The following TRIM54 variants were observed in gnomAD, a reference collection of about 807,000 sequenced individuals.
TRIM54 encodes tripartite motif containing 54.
In TRIM54, 40 loss-of-function variants were observed where a neutral mutation model predicts 42.0. That is an observed-to-expected ratio of 0.95 (90% CI 0.74 to 1.24). The LOEUF (loss-of-function observed/expected upper bound fraction) is 1.24, where lower values mean the gene tolerates loss of function less well. Among genes scored for constraint, TRIM54 ranks in the 50% most tolerant of loss-of-function variants. The pLI is 0.00. For synonymous variants in TRIM54, 199 were observed against 194.9 expected (o/e 1.02, Z -0.17); for missense variants, 485 against 480.3 (o/e 1.01, Z -0.09).
rs540676343 is a variant in TRIM54 at position 27,298,638 on chromosome 2, G to A, written c.240G>A (p.Ser80=). ...CAGGAGGCCGTTTCCGCTGCCCATC[G>A]TGCAGGCATGAGGTTGTCCTGGACA... is the stretch of plus-strand genomic sequence containing the variant. ...VSSGGRFRCP[S]CRHEVVLDRH... Residue 80 remains serine, a synonymous_variant, in exon 2 of 9, where the codon TCG becomes TCA. Coordinates refer to ENST00000380075, the MANE Select transcript of TRIM54 (RefSeq NM_187841.3). 3.7e-5 allele frequency: 59 copies of A among 1,614,158 alleles called. No homozygotes were observed. The highest frequency in any genetic ancestry group is 1.1e-4 in the East Asian group (5 of 44,872).
chr2:27,306,050 T>TTAC lies in TRIM54; in HGVS notation c.844-28_844-26dup, dbSNP rs766353384. 1 of 1,613,378 alleles carries TTAC rather than the reference T, an allele frequency of 6.2e-7. No individual in the cohort carries two copies. The highest frequency in any genetic ancestry group is 2.2e-5 in the East Asian group (1 of 44,880). On this transcript the variant is annotated intron_variant, in intron 5 of 8. Transcript: ENST00000380075. This position sits in a 1 kb window ranked among gnomAD's most constrained non-coding sequence, Gnocchi z 6.1. ...GACTTTGCCCAGGTTGGCCCAGTGC[T>TTAC]TACTCTCACCCTCCTTTTCTTCCCT...
At position 27,282,528 on chromosome 2, in the gene TRIM54, C is replaced by T. The variant is rs1177218183; in HGVS notation, c.-204C>T. On this transcript the variant is annotated 5_prime_UTR_variant, in exon 1 of 9. Transcript: ENST00000380075. Reference sequence around the variant, plus strand: ...GATAGCTAAAACTACGTGAGCCTGGCGAGGGTGCAGAGCAGAAAGTAGAGA... The same window carrying T: ...GATAGCTAAAACTACGTGAGCCTGGTGAGGGTGCAGAGCAGAAAGTAGAGA... 5 of 440,196 alleles carry T rather than the reference C, an allele frequency of 1.1e-5. 1 individual carries two copies. The South Asian group carries it at 1.6e-4, about 14-fold the overall frequency. The allele number at this position is 440,196 out of a possible 1,614,324, so 27.3% of individuals were successfully genotyped here.
chr2:27,289,642 G>A (rs1011877958), intron 1 of TRIM54, among the ~76,000 whole-genome samples: 2 of 151,882 alleles, frequency 1.3e-5, no homozygotes, highest in African/African-American at 4.8e-5. Flanking sequence ...TATGTGTAAA[G>A]GATAGATAAG....
chr2:27,298,457 TC>T, intron 1 of TRIM54, 109 bp from the exon 2 acceptor site: 1 of 774,344 alleles, frequency 1.3e-6, no homozygotes. Flanking sequence ...GCTGACATCT[TC>T]CCCTCCATCA....
chr2:27,284,207 A>G (rs901402051), intron 1 of TRIM54, among the ~76,000 whole-genome samples: 2 of 152,244 alleles, frequency 1.3e-5, no homozygotes, highest in Non-Finnish European at 2.9e-5. Context: ...GTGACATGGA[A>G]CATCCCAAAC....
intron 3 of TRIM54, among the ~76,000 whole-genome samples, chr2:27,304,273 T>TAG (rs1397129784): frequency 5.6e-5 from 8 of 143,334 alleles, no homozygotes; most frequent in South Asian, 2.2e-4. Flanking sequence ...TATATATATA[T>TAG]ATATAGATAG....
intron 3 of TRIM54, among the ~76,000 whole-genome samples, chr2:27,304,502 T>C (rs1314825106): frequency 6.7e-6 from 1 of 148,232 alleles, no homozygotes; most frequent in Non-Finnish European, 1.5e-5. Context: ...ATGAGAGGAC[T>C]GAAAGAAAAA....
intron 1 of TRIM54, among the ~76,000 whole-genome samples, chr2:27,294,263 G>A (rs562866240): frequency 5.9e-5 from 9 of 151,938 alleles, no homozygotes; most frequent in African/African-American, 2.2e-4. Context: ...CAAATACCTG[G>A]GACTAAAGGC....
chr2:27,290,237 T>C (rs1678682637), intron 1 of TRIM54, among the ~76,000 whole-genome samples: 1 of 152,106 alleles, frequency 6.6e-6, no homozygotes, highest in South Asian at 2.1e-4. Flanking sequence ...GGGACAATAA[T>C]GAAGAAAGCT....
intron 1 of TRIM54, among the ~76,000 whole-genome samples, chr2:27,283,963 T>A (rs1416804123): frequency 1.3e-5 from 2 of 151,984 alleles, no homozygotes; most frequent in Admixed American, 6.6e-5. Flanking sequence ...TAAAACCCCA[T>A]CTCTACCAAA....
At chr2:27,290,491 C>A (rs566185001) in intron 1 of TRIM54, among the ~76,000 whole-genome samples, 38 of 152,158 alleles carry the variant, frequency 2.5e-4, no homozygotes, top group African/African-American at 8.2e-4. Context: ...CACGGTGAAA[C>A]CCCGTCTCTA....
chr2:27,286,539 A>T (rs899018365), intron 1 of TRIM54, among the ~76,000 whole-genome samples: 4 of 152,150 alleles, frequency 2.6e-5, no homozygotes, highest in African/African-American at 9.7e-5. Context: ...GTGTTTCTGT[A>T]TTTGTAAATT....
At chr2:27,305,926 C>T in intron 5 of TRIM54, 109 bp downstream of exon 5, 2 of 1,366,142 alleles carry the variant, frequency 1.5e-6, no homozygotes, top group South Asian at 2.7e-5. Flanking sequence ...GCCCCTACGA[C>T]CTTGGGCAAG....
chr2:27,294,401 A>G (rs1678808274), intron 1 of TRIM54, among the ~76,000 whole-genome samples: 1 of 152,076 alleles, frequency 6.6e-6, no homozygotes, highest in South Asian at 2.1e-4. Flanking sequence ...GATTACAGTC[A>G]TGAGCCACCG....
rs192002966 is a variant in TRIM54, at chr2:27,306,056, T to C, written c.844-24T>C. The C allele has an allele frequency of 4.3e-5, 70 of 1,613,584 alleles. No individual in the cohort carries two copies. In the African/African-American group the frequency reaches 7.5e-4, roughly 17 times the overall value. ...GCCCAGGTTGGCCCAGTGCTTACTCTCACCCTCCTTTTCTTCCCTGCAGCA... is the reference window on the plus strand; with the variant it reads ...GCCCAGGTTGGCCCAGTGCTTACTCCCACCCTCCTTTTCTTCCCTGCAGCA... On this transcript the variant is annotated intron_variant, in intron 5 of 8. Transcript: ENST00000380075. This position sits in a 1 kb window ranked among gnomAD's most constrained non-coding sequence, Gnocchi z 6.1.
rs1006402810 is a variant in TRIM54 at position 27,286,064 on chromosome 2, A to C, written c.168+3165A>C. ...GGCAACATAGTGAGACCTCATCTCT[A>C]CAAAAAAGAAAATACTGTTAGTTGA... On this transcript the variant is annotated intron_variant, in intron 1 of 8. Coordinates refer to ENST00000380075, the MANE Select transcript of TRIM54 (RefSeq NM_187841.3). Among the ~76,000 whole-genome samples, 23 of 152,178 alleles carry C rather than the reference A, an allele frequency of 1.5e-4. 1 individual carries two copies. Among genetic ancestry groups the C allele is most frequent in the Admixed American group, 1.0e-3 (16 of 15,280 alleles).
chr2:27,304,927 C>G (rs1679146103), intron 3 of TRIM54, 32 bp from the exon 4 acceptor site: 1 of 1,603,106 alleles, frequency 6.2e-7, no homozygotes, highest in East Asian at 2.2e-5. Context: ...GGCCAGGTCC[C>G]AGCTCTGAGT....
Position 27,307,379 on chromosome 2 carries a change from G to A in TRIM54, c.*494G>A. On this transcript the variant is annotated 3_prime_UTR_variant, in exon 9 of 9. Transcript: ENST00000380075. The surrounding 1 kb of genome is among the most constrained non-coding windows in gnomAD (Gnocchi z 6.9). ...GTTCCCACGCTGCTGTGACTGCCCT[G>A]CCTCTACGACAAAAGCCAACGGGTC... 7.2e-7 allele frequency: 1 copy of A among 1,385,504 alleles called. No homozygotes were observed. Among genetic ancestry groups the A allele is most frequent in the Non-Finnish European group, 9.6e-7 (1 of 1,042,250 alleles). The allele number at this position is 1,385,504 out of a possible 1,614,324, so 85.8% of individuals were successfully genotyped here.
chr2:27,292,448 T>A (rs1436659661), intron 1 of TRIM54, among the ~76,000 whole-genome samples: 1 of 152,154 alleles, frequency 6.6e-6, no homozygotes, highest in Non-Finnish European at 1.5e-5. Context: ...GTGGCACACC[T>A]GCAGTCCCAG....
Sources: allele counts gnomAD v4.1 joint callset (sites outside exome capture counted in the v4.1 genomes callset), GRCh38; gene constraint gnomAD v4.1.1; non-coding constraint Gnocchi (gnomAD v3.1); transcripts MANE v1.5; gene names NCBI Gene and HGNC (gene_info 2026-07-23, HGNC 2026-07-21).